The following TMPRSS11A variants were observed in gnomAD, a reference collection of about 807,000 sequenced individuals.
TMPRSS11A encodes the protein transmembrane protease serine 11A.
Under a neutral mutation model 58.9 loss-of-function variants are expected in TMPRSS11A, and 53 were observed. That is an observed-to-expected ratio of 0.90 (90% confidence interval 0.72 to 1.13). The LOEUF (loss-of-function observed/expected upper bound fraction) is 1.13. Ranked by LOEUF, TMPRSS11A falls within the 50% of genes most tolerant of loss-of-function variation. The pLI, the probability that TMPRSS11A is intolerant of heterozygous loss-of-function variation, is 0.00. For synonymous variants in TMPRSS11A, 167 were observed against 169.8 expected (o/e 0.98, Z 0.13); for missense variants, 493 against 499.3 (o/e 0.99, Z 0.12).
At chr4:67,942,409 G>A (rs930856964) in intron 3 of TMPRSS11A, among the ~76,000 whole-genome samples, 3 of 152,202 alleles carry the variant, frequency 2.0e-5, no homozygotes, top group Admixed American at 1.3e-4. Flanking sequence ...GAGGGACACA[G>A]CAAGATGGTA....
intron 3 of TMPRSS11A, among the ~76,000 whole-genome samples, chr4:67,938,966 T>G (rs777209463): frequency 1.6e-4 from 25 of 152,136 alleles, no homozygotes; most frequent in Non-Finnish European, 2.6e-4. Flanking sequence ...GTTGGTAGTT[T>G]GATAGGAATA....
At chr4:67,939,214 C>T (rs1034501556) in intron 3 of TMPRSS11A, among the ~76,000 whole-genome samples, 1 of 152,026 alleles carries the variant, frequency 6.6e-6, no homozygotes, top group African/African-American at 2.4e-5. Flanking sequence ...ATTTGGTTCT[C>T]AGCTTGGACA....
intron 7 of TMPRSS11A, among the ~76,000 whole-genome samples, chr4:67,920,679 G>A (rs1720302330): frequency 6.6e-6 from 1 of 151,512 alleles, no homozygotes; most frequent in Non-Finnish European, 1.5e-5. Flanking sequence ...TTGTTACACA[G>A]GTAAACTTGT....
intron 3 of TMPRSS11A, among the ~76,000 whole-genome samples, chr4:67,934,835 C>T (rs1720713773): frequency 6.6e-6 from 1 of 152,152 alleles, no homozygotes; most frequent in Admixed American, 6.5e-5. Flanking sequence ...TGCTTCCTGA[C>T]TGGCTCCCCT....
At chr4:67,954,197 C>A (rs905127673) in intron 1 of TMPRSS11A, among the ~76,000 whole-genome samples, 1 of 152,104 alleles carries the variant, frequency 6.6e-6, no homozygotes, top group East Asian at 1.9e-4. Flanking sequence ...GCAAACTAAC[C>A]AAAATGAAAC....
At chr4:67,918,015 T>G (rs1017114332) in intron 8 of TMPRSS11A, among the ~76,000 whole-genome samples, 4 of 152,232 alleles carry the variant, frequency 2.6e-5, no homozygotes, top group Admixed American at 6.5e-5. Flanking sequence ...GGAAAAAATC[T>G]AGAGACCCTA....
chr4:67,929,844 G>A (rs200311270), intron 5 of TMPRSS11A, 36 bp downstream of exon 5: 1 of 1,527,076 alleles, frequency 6.5e-7, no homozygotes, highest in Non-Finnish European at 8.9e-7. Context: ...GGACCTAATA[G>A]ACAACTTCAT....
intron 3 of TMPRSS11A, among the ~76,000 whole-genome samples, chr4:67,934,535 T>C (rs1279906308): frequency 6.6e-6 from 1 of 152,208 alleles, no homozygotes; most frequent in Non-Finnish European, 1.5e-5. Flanking sequence ...TTTGTAAATC[T>C]ATCCTATCTC....
At chr4:67,931,751 C>G (rs1484336758) in intron 4 of TMPRSS11A, among the ~76,000 whole-genome samples, 1 of 152,162 alleles carries the variant, frequency 6.6e-6, no homozygotes, top group Non-Finnish European at 1.5e-5. Context: ...CTGGTTCTGT[C>G]ACTTTGGGAA....
chr4:67,920,871 T>C lies in TMPRSS11A; in HGVS notation c.693-1639A>G, dbSNP rs541932115. Reference sequence around the variant, plus strand: ...AATGTGGTATACATACACCATGGAATGCTATGCAGCCATAAAAAGAACAAA... The same window carrying C: ...AATGTGGTATACATACACCATGGAACGCTATGCAGCCATAAAAAGAACAAA... On this transcript the variant is annotated intron_variant, in intron 7 of 9. Coordinates refer to ENST00000508048, the MANE Select transcript of TMPRSS11A (RefSeq NM_001114387.2). Among the ~76,000 whole-genome samples the C allele has an allele frequency of 2.6e-5, 4 of 152,272 alleles. No individual in the cohort carries two copies. The South Asian group carries it at 8.3e-4, about 32-fold the overall frequency.
chr4:67,909,426 A>G lies in TMPRSS11A; in HGVS notation c.*1916T>C, dbSNP rs982610812. 6.6e-6 allele frequency: 1 copy of G among 152,162 alleles called. No individual in the cohort carries two copies. The highest frequency in any genetic ancestry group is 1.5e-5 in the Non-Finnish European group (1 of 67,984). 9.4% of individuals were successfully genotyped at this position (152,162 alleles called of 1,614,324 possible). A position where few individuals can be genotyped will look rare whatever the true frequency, so the allele number is the denominator to read the frequency against. ...GATCACCAACTTTATTAGATTAAAA[A>G]TGACATATCAATATCTGCTTACATG... On this transcript the variant is annotated 3_prime_UTR_variant, in exon 10 of 10. Coordinates refer to ENST00000508048, the MANE Select transcript of TMPRSS11A (RefSeq NM_001114387.2).
intron 5 of TMPRSS11A, among the ~76,000 whole-genome samples, chr4:67,928,905 T>C (rs1248886458): frequency 1.3e-5 from 2 of 152,200 alleles, no homozygotes; most frequent in African/African-American, 2.4e-5. Flanking sequence ...AATCTATACT[T>C]GTCTGTTGGA....
Position 67,948,147 on chromosome 4 carries a change from C to CTTTT in TMPRSS11A, c.12-1580_12-1577dup, listed in dbSNP as rs10577639. 5.9e-4 allele frequency among the ~76,000 whole-genome samples: 58 copies of CTTTT among 98,274 alleles called. 2 individuals are homozygous for CTTTT. The highest frequency in any genetic ancestry group is 2.3e-3 in the African/African-American group (57 of 24,564). The allele number at this position is 98,274 out of a possible 152,430, so 64.5% of individuals were successfully genotyped here. On this transcript the variant is annotated intron_variant, in intron 1 of 9. Transcript: ENST00000508048. ...CTTTTGACTATAAAACAGTTTTTTTCTTTTTTTTTTTTTTTTTTTTTGAGA... is the reference window on the plus strand; with the variant it reads ...CTTTTGACTATAAAACAGTTTTTTTCTTTTTTTTTTTTTTTTTTTTTTTTTGAGA...
intron 1 of TMPRSS11A, among the ~76,000 whole-genome samples, chr4:67,962,694 C>T (rs1721466905): frequency 6.6e-6 from 1 of 152,202 alleles, no homozygotes; most frequent in African/African-American, 2.4e-5. Context: ...TTTAAAATCA[C>T]TATTTTAACT....
At chr4:67,914,946 A>G (rs932447759) in intron 8 of TMPRSS11A, among the ~76,000 whole-genome samples, 19 of 152,236 alleles carry the variant, frequency 1.2e-4, no homozygotes, top group Non-Finnish European at 2.2e-4. Context: ...TCTCAAAGCA[A>G]GAAAGCCATT....
At chr4:67,951,888 A>T (rs1467079219) in intron 1 of TMPRSS11A, among the ~76,000 whole-genome samples, 1 of 152,214 alleles carries the variant, frequency 6.6e-6, no homozygotes, top group Admixed American at 6.5e-5. Context: ...TTTCTGAAAG[A>T]AAGTTCTTAT....
chr4:67,930,447 T>TTTTTTTACAAAAAAAAAAAAAAAA, intron 4 of TMPRSS11A, among the ~76,000 whole-genome samples: 1 of 152,186 alleles, frequency 6.6e-6, no homozygotes, highest in African/African-American at 2.4e-5. Context: ...AGTTTAATTT[T>TTTTTTTACAAAAAAAAAAAAAAAA]CTAAAGAGGC....
intron 1 of TMPRSS11A, among the ~76,000 whole-genome samples, chr4:67,946,797 C>G (rs1021901325): frequency 6.6e-6 from 1 of 151,788 alleles, no homozygotes; most frequent in Non-Finnish European, 1.5e-5. Flanking sequence ...ATTTGGTGGC[C>G]TCTTTGTGGT....
rs1412758617 is a variant in TMPRSS11A, at chr4:67,919,183, G to A, written c.742C>T (p.Pro248Ser). 3 of 1,613,870 alleles carry A rather than the reference G, an allele frequency of 1.9e-6. No homozygotes were observed. In the African/African-American group the frequency reaches 4.0e-5, roughly 22 times the overall value. Reference protein sequence around the residue: ...WTVSFGTKINPPLMKRNVRRF... With the variant: ...WTVSFGTKINSPLMKRNVRRF... ...CTGACATTTCTTTTCATTAAGGGAG[G>A]GTTGATTTTTGTTCCAAAACTAACA... The change falls in exon 8 of 10, where the codon CCT becomes TCT. Residue 248 changes from proline (P) to serine (S), a missense_variant. Pro to Ser is a moderately conservative substitution (Grantham distance 74). Coordinates refer to ENST00000508048, the MANE Select transcript of TMPRSS11A (RefSeq NM_001114387.2).
Sources: gnomAD v4.1 joint callset for allele counts (sites outside exome capture counted in the v4.1 genomes callset) on GRCh38, gnomAD v4.1.1 for gene constraint, MANE v1.5 for transcripts, NCBI Gene and HGNC (gene_info 2026-07-23, HGNC 2026-07-21) for gene names.